The following MTAP variants were observed in gnomAD, a reference collection of about 807,000 sequenced individuals.
MTAP encodes methylthioadenosine phosphorylase.
MTAP carries 33 observed loss-of-function variants against 33.6 expected under a neutral mutation model. That is an observed-to-expected ratio of 0.98 (90% CI 0.74 to 1.31). The LOEUF (loss-of-function observed/expected upper bound fraction) is 1.31, where lower values mean the gene tolerates loss of function less well. MTAP is among the 40% of genes most tolerant of loss of function. MTAP has a pLI of 0.00. For missense variants in MTAP, 367 were observed against 360.0 expected (o/e 1.02, Z -0.16); for synonymous variants, 148 against 125.7 (o/e 1.18, Z -1.19).
At chr9:21,833,169 T>C (rs956661789) in intron 4 of MTAP, among the ~76,000 whole-genome samples, 1 of 152,140 alleles carries the variant, frequency 6.6e-6, no homozygotes, top group Non-Finnish European at 1.5e-5. Flanking sequence ...TTAGTGATAT[T>C]GGTCCAAATT....
At chr9:21,873,665 CT>C (rs2118658973) in intron 1 of MTAP, among the ~76,000 whole-genome samples, 1 of 138,290 alleles carries the variant, frequency 7.2e-6, no homozygotes, top group East Asian at 2.2e-4. Context: ...GTTACTCAGT[CT>C]AAGATACTTT....
chr9:21,820,448 C>G (rs202154041), intron 4 of MTAP, among the ~76,000 whole-genome samples: 9 of 152,048 alleles, frequency 5.9e-5, no homozygotes, highest in Admixed American at 4.6e-4. Flanking sequence ...AGATCAGATG[C>G]TTGTAGATGT....
exon 8 of MTAP, chr9:21,936,408 C>G (rs1819042269): frequency 6.6e-6 from 1 of 152,192 alleles, no homozygotes; most frequent in South Asian, 2.1e-4. Context: ...CTGCTCTGGG[C>G]TACTTTTCTT....
downstream of MTAP, chr9:21,936,196 T>G (rs1819039773): frequency 6.6e-6 from 1 of 152,232 alleles, no homozygotes; most frequent in Admixed American, 6.5e-5. Context: ...GTCAATGTAT[T>G]TGAATTTAAC....
chr9:21,852,039 A>G (rs1825524431), intron 5 of MTAP, among the ~76,000 whole-genome samples: 1 of 152,216 alleles, frequency 6.6e-6, no homozygotes, highest in Non-Finnish European at 1.5e-5. Context: ...AACTCTGACT[A>G]ATACAATGGA....
intron 1 of MTAP, among the ~76,000 whole-genome samples, chr9:21,905,796 A>T (rs1255883640): frequency 6.6e-6 from 1 of 152,230 alleles, no homozygotes; most frequent in Non-Finnish European, 1.5e-5. Flanking sequence ...CTCAGAATTG[A>T]AATCCCTACA....
At chr9:21,830,623 G>A (rs985671042) in intron 4 of MTAP, among the ~76,000 whole-genome samples, 9 of 152,148 alleles carry the variant, frequency 5.9e-5, no homozygotes, top group African/African-American at 2.2e-4. Context: ...GCTCTCATAA[G>A]ATATGTACTC....
intron 4 of MTAP, among the ~76,000 whole-genome samples, chr9:21,830,776 G>A (rs1016951345): frequency 1.3e-5 from 2 of 152,138 alleles, no homozygotes; most frequent in African/African-American, 4.8e-5. Flanking sequence ...AAGAGTCAAA[G>A]TAAATGAGAC....
At chr9:21,904,635 C>G (rs1163480570) in intron 1 of MTAP, among the ~76,000 whole-genome samples, 1 of 152,116 alleles carries the variant, frequency 6.6e-6, no homozygotes, top group Non-Finnish European at 1.5e-5. Context: ...AATATATCAG[C>G]CAGTATGAAA....
intron 1 of MTAP, among the ~76,000 whole-genome samples, chr9:21,927,113 A>G (rs1279237805): frequency 1.3e-5 from 2 of 152,204 alleles, no homozygotes; most frequent in African/African-American, 4.8e-5. Flanking sequence ...CACAAGCCCT[A>G]GCCCTTGGGC....
intron 4 of MTAP, among the ~76,000 whole-genome samples, chr9:21,827,059 T>G (rs903302484): frequency 6.6e-6 from 1 of 152,178 alleles, no homozygotes; most frequent in Non-Finnish European, 1.5e-5. Context: ...AAAAATTATC[T>G]TCCATGAAAT....
chr9:21,927,783 C>T (rs1818893361), intron 1 of MTAP, among the ~76,000 whole-genome samples: 1 of 152,192 alleles, frequency 6.6e-6, no homozygotes, highest in South Asian at 2.1e-4. Flanking sequence ...AAAAGAATAA[C>T]CACATATACA....
At chr9:21,892,920 T>G (rs1818224514) in intron 1 of MTAP, 1 of 152,174 alleles carries the variant, frequency 6.6e-6, no homozygotes, top group African/African-American at 2.4e-5. Flanking sequence ...CATACCAACC[T>G]ACACTCTCGG....
At chr9:21,882,260 A>G (rs1262162366) in intron 1 of MTAP, among the ~76,000 whole-genome samples, 2 of 152,010 alleles carry the variant, frequency 1.3e-5, no homozygotes, top group East Asian at 3.9e-4. Flanking sequence ...TTAAGGTTCG[A>G]TAATATTTTA....
At chr9:21,897,355 A>G (rs911082469) in intron 1 of MTAP, among the ~76,000 whole-genome samples, 2 of 152,216 alleles carry the variant, frequency 1.3e-5, no homozygotes, top group Non-Finnish European at 2.9e-5. Context: ...ACCCCTATTC[A>G]ACATAGTGTT....
Position 21,862,902 on chromosome 9 carries a change from T to C in MTAP, c.*888T>C, listed in dbSNP as rs1825782734. The C allele has an allele frequency of 1.0e-6, 1 of 954,230 alleles. No individual in the cohort carries two copies. The highest frequency in any genetic ancestry group is 6.2e-5 in the Admixed American group (1 of 16,224). 59.1% of individuals were successfully genotyped at this position (954,230 alleles called of 1,614,324 possible). The stretch of plus-strand genomic sequence containing the variant: ...TCACATTTTTCTACAGTGAATTTAA[T>C]CAAATAGTAAAGTTGTTGTAAAAAT... On this transcript the variant is annotated 3_prime_UTR_variant, in exon 8 of 8. Coordinates refer to ENST00000644715, the MANE Select transcript of MTAP (RefSeq NM_002451.4).
intron 4 of MTAP, among the ~76,000 whole-genome samples, chr9:21,825,035 C>T (rs976616429): frequency 2.6e-5 from 4 of 152,176 alleles, no homozygotes; most frequent in Non-Finnish European, 5.9e-5. Context: ...AATTCCTTGA[C>T]CCCTTACGCT....
At chr9:21,810,044 C>A (rs768579114) in intron 1 of MTAP, among the ~76,000 whole-genome samples, 1 of 152,208 alleles carries the variant, frequency 6.6e-6, no homozygotes, top group Non-Finnish European at 1.5e-5. Flanking sequence ...CTTGCATCAT[C>A]CAAGCTTCTC....
chr9:21,864,554 T>C lies in MTAP; in HGVS notation c.*2540T>C. On this transcript the variant is annotated 3_prime_UTR_variant, in exon 8 of 8. Transcript: ENST00000644715. ...CTGTTATATTTGGCATGGATTTTCATGGTTTTGAGAATGACATCCTGGCCC... is the reference window on the plus strand; with the variant it reads ...CTGTTATATTTGGCATGGATTTTCACGGTTTTGAGAATGACATCCTGGCCC... The C allele has an allele frequency of 1.0e-6, 1 of 985,472 alleles. No homozygotes were observed. The highest frequency in any genetic ancestry group is 1.2e-6 in the Non-Finnish European group (1 of 829,958). 61.0% of individuals were successfully genotyped at this position (985,472 alleles called of 1,614,324 possible).
Sources: allele counts gnomAD v4.1 joint callset (sites outside exome capture counted in the v4.1 genomes callset), GRCh38; gene constraint gnomAD v4.1.1; transcripts MANE v1.5; gene names NCBI Gene and HGNC (gene_info 2026-07-23, HGNC 2026-07-21).